Variants in VAV3 observed in about 807,000 individuals in gnomAD.
VAV3 encodes the protein vav guanine nucleotide exchange factor 3.
In VAV3, 94 loss-of-function variants were observed where a neutral mutation model predicts 131.2. The observed-to-expected ratio is 0.72, with a 90% confidence interval of 0.61 to 0.85. The LOEUF (loss-of-function observed/expected upper bound fraction) is 0.85, where lower values mean the gene tolerates loss of function less well. VAV3 is among the 40% of genes least tolerant of loss of function. The probability of loss-of-function intolerance (pLI) is 0.00; values close to 1 mark genes in which losing one functional copy is unlikely to be tolerated. For missense variants in VAV3, 939 were observed against 1,002.7 expected (o/e 0.94, Z 0.86); for synonymous variants, 349 against 342.0 (o/e 1.02, Z -0.22).
At chr1:107,755,369 C>A (rs1570902759) in intron 12 of VAV3, 58 bp downstream of exon 12, 2 of 1,265,626 alleles carry the variant, frequency 1.6e-6, no homozygotes, top group East Asian at 2.3e-5. Context: ...AACAACAACT[C>A]CTAGAATGTC....
At chr1:107,888,957 G>A (rs879727597) in intron 1 of VAV3, among the ~76,000 whole-genome samples, 3 of 151,916 alleles carry the variant, frequency 2.0e-5, no homozygotes, top group African/African-American at 4.8e-5. Context: ...TACAATCGGC[G>A]GCTTAGAGAA....
At chr1:107,632,180 A>G (rs1276530640) in intron 20 of VAV3, among the ~76,000 whole-genome samples, 1 of 152,176 alleles carries the variant, frequency 6.6e-6, no homozygotes, top group African/African-American at 2.4e-5. Context: ...TGTCAAAATT[A>G]CCATGGTCTC....
chr1:107,893,249 T>G (rs1671398143), intron 1 of VAV3, among the ~76,000 whole-genome samples: 1 of 152,224 alleles, frequency 6.6e-6, no homozygotes, highest in South Asian at 2.1e-4. Flanking sequence ...ATAAATACTT[T>G]ACTAGACTCA....
intron 1 of VAV3, among the ~76,000 whole-genome samples, chr1:107,954,214 T>C (rs987009008): frequency 1.3e-5 from 2 of 152,076 alleles, no homozygotes; most frequent in African/African-American, 4.8e-5. Flanking sequence ...AGAATATTTA[T>C]AATAGAAAAA....
Position 107,901,902 on chromosome 1 carries a change from G to C in VAV3, c.205-26885C>G, listed in dbSNP as rs973750986. On this transcript the variant is annotated intron_variant, in intron 1 of 26. Transcript: ENST00000370056. ...TACTAAAAATACAAAAATTAGCCACGCATGGTGGCATGCACCTGTAATCCC... is the reference window on the plus strand; with the variant it reads ...TACTAAAAATACAAAAATTAGCCACCCATGGTGGCATGCACCTGTAATCCC... Among the ~76,000 whole-genome samples, 8 of 152,128 alleles carry C rather than the reference G, an allele frequency of 5.3e-5. No individual in the cohort carries two copies. In the South Asian group the frequency reaches 8.3e-4, roughly 16 times the overall value.
chr1:107,785,580 T>A (rs1665937281), intron 2 of VAV3: 17 of 1,189,674 alleles, frequency 1.4e-5, no homozygotes, highest in African/African-American at 1.7e-5. Flanking sequence ...GGTTGCTATC[T>A]AGCAGCAGAG....
chr1:107,657,904 C>T (rs1260141902), intron 19 of VAV3, among the ~76,000 whole-genome samples: 1 of 152,132 alleles, frequency 6.6e-6, no homozygotes, highest in Non-Finnish European at 1.5e-5. Flanking sequence ...AGAGAAATTG[C>T]TAACTAATTG....
chr1:107,818,678 G>A (rs1015768985), intron 2 of VAV3, among the ~76,000 whole-genome samples: 12 of 152,094 alleles, frequency 7.9e-5, no homozygotes, highest in African/African-American at 2.7e-4. Context: ...ACACATGAAT[G>A]TAAAACACAC....
At chr1:107,630,235 G>C (rs912818376) in intron 20 of VAV3, among the ~76,000 whole-genome samples, 2 of 152,020 alleles carry the variant, frequency 1.3e-5, no homozygotes, top group African/African-American at 4.8e-5. Flanking sequence ...GTTAGAAACG[G>C]GTTCTCTAGT....
chr1:107,655,096 A>C (rs1463039401), intron 19 of VAV3, among the ~76,000 whole-genome samples: 1 of 152,156 alleles, frequency 6.6e-6, no homozygotes, highest in Non-Finnish European at 1.5e-5. Context: ...AGTGACACTT[A>C]GCACAAAGTT....
At chr1:107,911,041 C>T (rs955620845) in intron 1 of VAV3, among the ~76,000 whole-genome samples, 1 of 151,956 alleles carries the variant, frequency 6.6e-6, no homozygotes, top group South Asian at 2.1e-4. Flanking sequence ...TAATCTCTCT[C>T]TATTCAACAC....
At chr1:107,873,535 C>A (rs1670344723) in intron 2 of VAV3, among the ~76,000 whole-genome samples, 1 of 152,066 alleles carries the variant, frequency 6.6e-6, no homozygotes, top group Non-Finnish European at 1.5e-5. Flanking sequence ...AGAAATATCT[C>A]TGGTGTTTTT....
At chr1:107,948,314 G>C (rs1298907218) in intron 1 of VAV3, among the ~76,000 whole-genome samples, 1 of 116,756 alleles carries the variant, frequency 8.6e-6, no homozygotes, top group Admixed American at 9.7e-5. Flanking sequence ...AGTACTTCCT[G>C]ATATTGTAAA....
chr1:107,770,508 G>C, intron 6 of VAV3, 128 bp downstream of exon 6: 2 of 676,024 alleles, frequency 3.0e-6, no homozygotes, highest in South Asian at 3.5e-5. Context: ...TCTGCTTTGA[G>C]ATCTTTAAGT....
chr1:107,661,481 T>G (rs920630854), intron 19 of VAV3, among the ~76,000 whole-genome samples: 7 of 152,200 alleles, frequency 4.6e-5, no homozygotes, highest in Non-Finnish European at 8.8e-5. Flanking sequence ...TCTGAATTTT[T>G]ATTATAGTTA....
intron 15 of VAV3, among the ~76,000 whole-genome samples, chr1:107,716,693 C>T (rs964699921): frequency 1.3e-5 from 2 of 152,052 alleles, no homozygotes; most frequent in Non-Finnish European, 2.9e-5. Context: ...GTCTAAAATT[C>T]TTTTTTTGTT....
chr1:107,608,069 T>C (rs1399458406), intron 22 of VAV3, among the ~76,000 whole-genome samples: 1 of 151,940 alleles, frequency 6.6e-6, no homozygotes, highest in African/African-American at 2.4e-5. Flanking sequence ...AAAAGTAATT[T>C]AAAATTCTAC....
At chr1:107,922,908 C>T (rs918639363) in intron 1 of VAV3, among the ~76,000 whole-genome samples, 31 of 149,226 alleles carry the variant, frequency 2.1e-4, no homozygotes, top group Admixed American at 8.0e-4. Context: ...GCCGAGATCG[C>T]GCCACTGCAC....
intron 20 of VAV3, among the ~76,000 whole-genome samples, chr1:107,618,228 C>T (rs144231576): frequency 3.3e-5 from 5 of 152,206 alleles, no homozygotes; most frequent in East Asian, 1.9e-4. Flanking sequence ...GGGACACCTA[C>T]GATAGAGAGA....
Sources: gnomAD v4.1 joint callset for allele counts (sites outside exome capture counted in the v4.1 genomes callset) on GRCh38, gnomAD v4.1.1 for gene constraint, MANE v1.5 for transcripts, NCBI Gene and HGNC (gene_info 2026-07-23, HGNC 2026-07-21) for gene names.